MICAL3: variants seen among roughly 807,000 people sequenced by gnomAD.
MICAL3 encodes the protein [F-actin]-monooxygenase MICAL3.
Under a neutral mutation model 207.4 loss-of-function variants are expected in MICAL3, and 62 were observed. That is an observed-to-expected ratio of 0.30 (90% CI 0.24 to 0.37). The LOEUF (loss-of-function observed/expected upper bound fraction) is 0.37, where lower values mean the gene tolerates loss of function less well. Ranked by LOEUF, MICAL3 falls within the 10% of genes least tolerant of loss-of-function variation. MICAL3 has a pLI of 1.00. For synonymous variants in MICAL3, 1,077 were observed against 1,069.3 expected, an observed-to-expected ratio of 1.01 and a Z score of -0.14; for missense variants, 2,368 against 2,635.6, an observed-to-expected ratio of 0.90 and a Z score of 2.22.
intron 1 of MICAL3, among the ~76,000 whole-genome samples, chr22:17,997,405 C>T (rs9604818): frequency 0.36 from 54,659 of 152,050 alleles, 11,752 homozygotes; most frequent in African/African-American, 0.6. Context: ...CAAATGCAGA[C>T]GTTTTCTCAG....
intron 1 of MICAL3, among the ~76,000 whole-genome samples, chr22:18,023,739 T>G (rs1048530816): frequency 4.6e-5 from 7 of 152,204 alleles, no homozygotes. Context: ...CCACTGGTCC[T>G]GGGCCACCAC....
intron 19 of MICAL3, among the ~76,000 whole-genome samples, chr22:17,852,141 A>G (rs529100081): frequency 6.6e-6 from 1 of 152,320 alleles, no homozygotes; most frequent in East Asian, 1.9e-4. Flanking sequence ...CCACAGAGAC[A>G]AACCCACGTT....
intron 1 of MICAL3, among the ~76,000 whole-genome samples, chr22:17,972,765 G>A (rs1437140520): frequency 6.6e-6 from 1 of 152,204 alleles, no homozygotes; most frequent in Admixed American, 6.5e-5. Flanking sequence ...GGAGAGGAAA[G>A]GGAGGAAAAA....
chr22:17,877,287 AT>A (rs1928762462), intron 16 of MICAL3, among the ~76,000 whole-genome samples: 3 of 133,390 alleles, frequency 2.2e-5, no homozygotes, highest in Non-Finnish European at 4.6e-5. Context: ...TAGGGAGGTT[AT>A]GGAGGTTAGG....
At chr22:17,863,253 A>C (rs1259805964) in intron 19 of MICAL3, 2 of 985,094 alleles carry the variant, frequency 2.0e-6, no homozygotes, top group Non-Finnish European at 2.4e-6. Context: ...AATGTTCTGT[A>C]CTCCAAACCG....
At chr22:17,871,210 A>C (rs1927692408) in intron 17 of MICAL3, among the ~76,000 whole-genome samples, 1 of 152,242 alleles carries the variant, frequency 6.6e-6, no homozygotes, top group African/African-American at 2.4e-5. Context: ...GTCTGTGTGC[A>C]GAATTCTCTA....
Position 17,901,885 on chromosome 22 carries a change from G to A in MICAL3, c.684C>T (p.Thr228=). 1 of 1,612,300 alleles carries A rather than the reference G, an allele frequency of 6.2e-7. No homozygotes were observed. Among genetic ancestry groups the A allele is most frequent in the East Asian group, 2.2e-5 (1 of 44,868 alleles). ...VIIGGDGRRN[T]LEGFRRKEFR... is the part of the protein sequence containing the mutation. The stretch of plus-strand genomic sequence containing the variant: ...AGGAGCACAGACCAATACCTTCCAA[G>A]GTGTTCCTCCGACCATCCCCACCGA... Residue 228 remains threonine (T), a synonymous_variant, in exon 5 of 32, where the codon ACC becomes ACT. Coordinates refer to ENST00000441493, the MANE Select transcript of MICAL3 (RefSeq NM_015241.3).
In MICAL3 at chr22:17,919,076, G is replaced by GTTTTTTTTTTTTT. The variant is rs35096617; in HGVS notation, c.-74-12203_-74-12191dup. 5.4e-3 allele frequency among the ~76,000 whole-genome samples: 733 copies of GTTTTTTTTTTTTT among 136,324 alleles called. 20 individuals carry two copies. The highest frequency in any genetic ancestry group is 0.016 in the African/African-American group (541 of 33,710). 89.4% of individuals were successfully genotyped at this position (136,324 alleles called of 152,430 possible). On this transcript the variant is annotated intron_variant, in intron 1 of 31. Coordinates refer to ENST00000441493, the MANE Select transcript of MICAL3 (RefSeq NM_015241.3). ...CTCCAAATGTTTTTGGTTTTTGTGG[G>GTTTTTTTTTTTTT]TTTTTTTTTTTTTTGAGACAGGCTC... is the stretch of plus-strand genomic sequence containing the variant.
chr22:17,840,869 T>C (rs1266455990), intron 20 of MICAL3: 1 of 152,268 alleles, frequency 6.6e-6, no homozygotes, highest in African/African-American at 2.4e-5. Flanking sequence ...GCCCCCGGCA[T>C]GCACGGAGGA....
chr22:17,841,870 T>A lies in MICAL3; in HGVS notation c.2753A>T (p.Asn918Ile). 6.4e-7 allele frequency: 1 copy of A among 1,574,198 alleles called. No homozygotes were observed. Among genetic ancestry groups the A allele is most frequent in the Non-Finnish European group, 8.6e-7 (1 of 1,162,474 alleles). ...GCCCGTGTCCAGCACGCTGCTCAGGTTGTGCTCGGCCTGAGTCTCCTCCGG... is the reference window on the plus strand; with the variant it reads ...GCCCGTGTCCAGCACGCTGCTCAGGATGTGCTCGGCCTGAGTCTCCTCCGG... ...EVPEETQAEH[N>I]LSSVLDTGAE... The change falls in exon 20 of 32, where the codon AAC becomes ATC. Residue 918 changes from asparagine (N) to isoleucine (I), a missense_variant. This residue lies in a region of MICAL3 where 1,770 missense variants were observed against 1,863.2 expected (regional missense o/e 0.95). Coordinates refer to ENST00000441493, the MANE Select transcript of MICAL3 (RefSeq NM_015241.3). The surrounding 1 kb of genome is among the most constrained non-coding windows in gnomAD (Gnocchi z 4.2).
Position 17,818,079 on chromosome 22 carries a change from C to T in MICAL3, c.4582G>A (p.Asp1528Asn). The T allele has an allele frequency of 6.2e-7, 1 of 1,613,118 alleles. No homozygotes were observed. Among genetic ancestry groups the T allele is most frequent in the Non-Finnish European group, 8.5e-7 (1 of 1,179,762 alleles). The change falls in exon 26 of 32, where the codon GAC (aspartate) becomes AAC (asparagine). Residue 1528 changes from aspartate (D) to asparagine (N), a missense_variant. Asp to Asn is a conservative substitution (Grantham distance 23). Transcript: ENST00000441493. ...TCCTCAGTCTTGTCGTCATAGGTGT[C>T]CTCCACATCATCAGCAAAGGGAATC... ...EEIPFADDVEDTYDDKTEDSS... is the reference protein window; with the variant it reads ...EEIPFADDVENTYDDKTEDSS...
chr22:17,868,989 C>G (rs1927444567), intron 17 of MICAL3, among the ~76,000 whole-genome samples: 1 of 152,168 alleles, frequency 6.6e-6, no homozygotes, highest in Non-Finnish European at 1.5e-5. Context: ...GAGCCAGACC[C>G]CTCTCTGAGG....
At chr22:17,862,835 T>C (rs1321243343) in intron 19 of MICAL3, 1 of 985,524 alleles carries the variant, frequency 1.0e-6, no homozygotes, top group Non-Finnish European at 1.2e-6. Flanking sequence ...CTGAGCTCAC[T>C]GGCCTTTGCC....
intron 1 of MICAL3, among the ~76,000 whole-genome samples, chr22:17,910,126 G>C (rs1932017410): frequency 6.6e-6 from 1 of 152,182 alleles, no homozygotes; most frequent in Non-Finnish European, 1.5e-5. Flanking sequence ...CCAGGATTCA[G>C]AGCACTCAGA....
intron 1 of MICAL3, among the ~76,000 whole-genome samples, chr22:17,995,641 G>A (rs1311523394): frequency 1.3e-5 from 2 of 151,622 alleles, no homozygotes; most frequent in African/African-American, 4.8e-5. Flanking sequence ...GAGTAGCTGG[G>A]AATACAAGTG....
rs144924200 is a variant in MICAL3, at chr22:17,939,843, C to T, written c.-74-32957G>A. Among the ~76,000 whole-genome samples the T allele has an allele frequency of 5.9e-5, 9 of 152,304 alleles. No individual in the cohort carries two copies. The East Asian group carries it at 7.7e-4, about 13-fold the overall frequency. On this transcript the variant is annotated intron_variant, in intron 1 of 31. Transcript: ENST00000441493. ...CCTAACGCCAAAAAGAGCTACTCTA[C>T]GCAAGACACCATGGAAACTTGGATA...
At chr22:17,907,752 A>T (rs1265427046) in intron 1 of MICAL3, among the ~76,000 whole-genome samples, 2 of 152,164 alleles carry the variant, frequency 1.3e-5, no homozygotes, top group Non-Finnish European at 2.9e-5. Flanking sequence ...GTCTGAAGAG[A>T]ACCAACCAGC....
At chr22:17,826,645 T>A (rs5992864) in intron 22 of MICAL3, 6,939 of 261,718 alleles carry the variant, frequency 0.027, 128 homozygotes, top group Non-Finnish European at 0.034. Flanking sequence ...GACGCCTGTC[T>A]GGCACCAACA....
intron 27 of MICAL3, 37 bp downstream of exon 27, chr22:17,816,653 C>A (rs956506512): frequency 1.4e-6 from 2 of 1,475,414 alleles, no homozygotes; most frequent in Admixed American, 2.0e-5. Flanking sequence ...ACAGACAGGG[C>A]CCCAGGCCCT....
Sources: gnomAD v4.1 joint callset for allele counts (sites outside exome capture counted in the v4.1 genomes callset) on GRCh38, gnomAD v4.1.1 for gene constraint, gnomAD v4.1.1 regional missense constraint, Gnocchi (gnomAD v3.1) non-coding constraint, MANE v1.5 for transcripts, NCBI Gene and HGNC (gene_info 2026-07-23, HGNC 2026-07-21) for gene names.